Variants in SNRPN observed in about 807,000 individuals in gnomAD.
The protein encoded by SNRPN is small nuclear ribonucleoprotein polypeptide N, also known as small nuclear ribonucleoprotein-associated protein N.
A neutral mutation model predicts 25.2 loss-of-function variants in SNRPN; 7 were observed. That is an observed-to-expected ratio of 0.28 (90% confidence interval 0.16 to 0.52). SNRPN has a LOEUF of 0.52. Among genes scored for constraint, SNRPN ranks in the 20% least tolerant of loss-of-function variants. The pLI is 0.96. For missense variants in SNRPN, 196 were observed against 322.5 expected (o/e 0.61, Z 3.00); for synonymous variants, 124 against 110.6 (o/e 1.12, Z -0.76).
intron 3 of SNRPN, among the ~76,000 whole-genome samples, chr15:24,948,854 TGGAA>T (rs1216216910): frequency 6.6e-6 from 1 of 151,956 alleles, no homozygotes; most frequent in African/African-American, 2.4e-5. Flanking sequence ...ATCCTATGGT[TGGAA>T]AATTAGATAA....
chr15:24,889,511 T>C (rs986034455), intron 2 of SNRPN, among the ~76,000 whole-genome samples: 1 of 150,940 alleles, frequency 6.6e-6, no homozygotes, highest in Non-Finnish European at 1.5e-5. Flanking sequence ...TTCACCGTGT[T>C]AGCCAGGATG....
At chr15:24,962,084 C>G (rs1381804346) in intron 1 of SNRPN, 30 bp from the exon 2 acceptor site, 2 of 1,566,246 alleles carry the variant, frequency 1.3e-6, no homozygotes, top group East Asian at 4.5e-5. Flanking sequence ...ATGCAGTCTA[C>G]CAAACAAATG....
Position 24,977,767 on chromosome 15 carries a change from T to C in SNRPN, c.421-11T>C, listed in dbSNP as rs1221693415. The C allele has an allele frequency of 1.3e-6, 2 of 1,584,740 alleles. No homozygotes were observed. The highest frequency in any genetic ancestry group is 2.3e-5 in the East Asian group (1 of 44,348). On this transcript the variant is annotated splice_polypyrimidine_tract_variant and intron_variant, in intron 7 of 9. Coordinates refer to ENST00000390687, the MANE Select transcript of SNRPN (RefSeq NM_003097.6). Reference sequence around the variant, plus strand: ...GCATCGCTTTGACTGTTTCCCGCCCTGCCTTCTCAGGTAATGACTCCACAG... The same window carrying C: ...GCATCGCTTTGACTGTTTCCCGCCCCGCCTTCTCAGGTAATGACTCCACAG...
intron 2 of SNRPN, among the ~76,000 whole-genome samples, chr15:24,893,938 G>A (rs572798201): frequency 1.3e-5 from 2 of 152,270 alleles, no homozygotes; most frequent in African/African-American, 4.8e-5. Flanking sequence ...CAATCCGTAA[G>A]CCTTTTATGA....
At chr15:24,962,016 C>T in intron 1 of SNRPN, 98 bp from the exon 2 acceptor site, 12 of 1,017,718 alleles carry the variant, frequency 1.2e-5, no homozygotes, top group Non-Finnish European at 1.9e-5. Flanking sequence ...ATTTAAAAAT[C>T]CATTATATTA....
intron 2 of SNRPN, among the ~76,000 whole-genome samples, chr15:24,915,042 A>G (rs565865331): frequency 6.6e-6 from 1 of 152,248 alleles, no homozygotes; most frequent in Admixed American, 6.5e-5. Flanking sequence ...GTGGTCATGT[A>G]TCACTTGGAA....
rs549549458 is a variant in SNRPN at position 24,901,836 on chromosome 15, T to C, written c.-505+15247T>C. On this transcript the variant is annotated intron_variant, in intron 2 of 11. Transcript: ENST00000400097. ...GAAAAGGACATGCAAATCAGAAAAATTCACAAGTGTAATGAGGCGAGAAGG... is the reference window on the plus strand; with the variant it reads ...GAAAAGGACATGCAAATCAGAAAAACTCACAAGTGTAATGAGGCGAGAAGG... 7.9e-5 allele frequency among the ~76,000 whole-genome samples: 12 copies of C among 152,196 alleles called. No individual in the cohort carries two copies. The East Asian group carries it at 2.1e-3, about 27-fold the overall frequency.
intron 2 of SNRPN, among the ~76,000 whole-genome samples, chr15:24,902,920 C>CG: frequency 6.6e-6 from 1 of 152,312 alleles, no homozygotes; most frequent in Middle Eastern, 3.4e-3. Flanking sequence ...CTGCTGGCTC[C>CG]GGTGGCCAGC....
intron 1 of SNRPN, among the ~76,000 whole-genome samples, chr15:24,863,463 G>A (rs1005938578): frequency 4.0e-5 from 6 of 150,318 alleles, no homozygotes; most frequent in South Asian, 2.1e-4. Flanking sequence ...AGATTTGCAC[G>A]CATCTGTGTC....
intron 2 of SNRPN, among the ~76,000 whole-genome samples, chr15:24,963,675 T>G (rs1283827390): frequency 1.3e-5 from 2 of 151,986 alleles, no homozygotes; most frequent in African/African-American, 2.4e-5. Context: ...TTTTTTCAAA[T>G]TAAAGGTTTT....
At chr15:24,868,940 T>C (rs995746052) in intron 1 of SNRPN, among the ~76,000 whole-genome samples, 7 of 152,106 alleles carry the variant, frequency 4.6e-5, no homozygotes, top group Non-Finnish European at 7.4e-5. Context: ...AGTTCCAGAC[T>C]AGCCTAGGCA....
chr15:24,865,523 G>A (rs967433863), intron 1 of SNRPN, among the ~76,000 whole-genome samples: 3 of 152,168 alleles, frequency 2.0e-5, no homozygotes, highest in African/African-American at 4.8e-5. Flanking sequence ...AGGCTGTAGC[G>A]ATGGCTGTTG....
chr15:24,825,206 A>G (rs2049993644), intron 1 of SNRPN, among the ~76,000 whole-genome samples: 1 of 152,000 alleles, frequency 6.6e-6, no homozygotes, highest in East Asian at 1.9e-4. Context: ...TCAAGAGCAG[A>G]CCTTGGTTAA....
intron 3 of SNRPN, among the ~76,000 whole-genome samples, chr15:24,922,919 G>GTTTTTTT (rs2060118953): frequency 9.0e-6 from 1 of 111,608 alleles, no homozygotes. Context: ...TTTTTTTTGG[G>GTTTTTTT]AAGACAGAGT....
intron 2 of SNRPN, among the ~76,000 whole-genome samples, chr15:24,899,273 T>A (rs1325466206): frequency 6.6e-6 from 1 of 152,224 alleles, no homozygotes; most frequent in Non-Finnish European, 1.5e-5. Context: ...TTTGAAGATA[T>A]GTTTTAATTT....
upstream of SNRPN, among the ~76,000 whole-genome samples, chr15:24,853,765 T>C (rs2053113866): frequency 6.6e-6 from 1 of 152,190 alleles, no homozygotes; most frequent in Non-Finnish European, 1.5e-5. Context: ...TACATACTAA[T>C]AGCATGTCAT....
At chr15:24,884,871 G>A (rs1044241424) in intron 1 of SNRPN, among the ~76,000 whole-genome samples, 1 of 152,128 alleles carries the variant, frequency 6.6e-6, no homozygotes, top group African/African-American at 2.4e-5. Context: ...TAGCAGGAAG[G>A]AATTCAAGGC....
At chr15:24,960,756 C>CT (rs1419275042) in intron 1 of SNRPN, among the ~76,000 whole-genome samples, 3 of 152,066 alleles carry the variant, frequency 2.0e-5, no homozygotes, top group Non-Finnish European at 4.4e-5. Flanking sequence ...GTGAGAGTTC[C>CT]TTACATATTC....
chr15:24,960,850 G>A (rs1396242262), intron 1 of SNRPN, among the ~76,000 whole-genome samples: 1 of 152,152 alleles, frequency 6.6e-6, no homozygotes, highest in Non-Finnish European at 1.5e-5. Flanking sequence ...AAGTTGATAT[G>A]CTAAGAGATA....
Sources: allele counts gnomAD v4.1 joint callset (sites outside exome capture counted in the v4.1 genomes callset), GRCh38; gene constraint gnomAD v4.1.1; transcripts MANE v1.5; gene names NCBI Gene and HGNC (gene_info 2026-07-23, HGNC 2026-07-21).